The following SMNDC1 variants were observed in gnomAD, a reference collection of about 807,000 sequenced individuals.
SMNDC1 encodes survival of motor neuron-related-splicing factor 30.
In SMNDC1, 5 loss-of-function variants were observed where a neutral mutation model predicts 29.2. That is an observed-to-expected ratio of 0.17 (90% CI 0.09 to 0.36). The LOEUF (loss-of-function observed/expected upper bound fraction) is 0.36, where lower values mean the gene tolerates loss of function less well. SMNDC1 is among the 10% of genes least tolerant of loss of function. The probability of loss-of-function intolerance (pLI) is 1.00; values close to 1 mark genes in which losing one functional copy is unlikely to be tolerated. For missense variants in SMNDC1, 142 were observed against 268.5 expected (o/e 0.53, Z 3.29); for synonymous variants, 80 against 89.9 (o/e 0.89, Z 0.62).
chr10:110,296,403 A>T (rs1857563423), intron 4 of SMNDC1, among the ~76,000 whole-genome samples: 3 of 152,202 alleles, frequency 2.0e-5, no homozygotes, highest in Admixed American at 1.3e-4. Context: ...ATATATATAC[A>T]TTGTTCTAGA....
rs193028030 is a variant in SMNDC1, at chr10:110,300,875, T to G, written c.121-2085A>C. 12 of 197,136 alleles carry G rather than the reference T, an allele frequency of 6.1e-5. No homozygotes were observed. The Admixed American group carries it at 7.2e-4, about 12-fold the overall frequency. 12.2% of individuals were successfully genotyped at this position (197,136 alleles called of 1,614,324 possible). A position where few individuals can be genotyped will look rare whatever the true frequency, so the allele number is the denominator to read the frequency against. On this transcript the variant is annotated intron_variant, in intron 2 of 5. Transcript: ENST00000369603. The stretch of plus-strand genomic sequence containing the variant: ...AGTCAGCTAGCTAGCCTGGATTTTA[T>G]CACACCCACTTTTTTAAGTGAAAAA...
At chr10:110,299,281 C>T (rs1395325311) in intron 2 of SMNDC1, among the ~76,000 whole-genome samples, 1 of 152,158 alleles carries the variant, frequency 6.6e-6, no homozygotes, top group African/African-American at 2.4e-5. Flanking sequence ...ATACATATCT[C>T]GACTAAAATA....
intron 5 of SMNDC1, 119 bp downstream of exon 5, chr10:110,295,109 G>T: frequency 4.7e-6 from 4 of 844,350 alleles, no homozygotes; most frequent in South Asian, 1.8e-5. Context: ...ACAAGGATTC[G>T]GAATACAAAA....
chr10:110,303,634 C>G (rs200176778), intron 1 of SMNDC1, 47 bp from the exon 2 acceptor site: 3 of 1,534,884 alleles, frequency 2.0e-6, no homozygotes, highest in Non-Finnish European at 2.6e-6. Flanking sequence ...AACCAAAAAT[C>G]AAGGCATAAA....
chr10:110,298,918 AT>A (rs1472590646), intron 2 of SMNDC1, 128 bp from the exon 3 acceptor site: 18 of 649,388 alleles, frequency 2.8e-5, no homozygotes, highest in Non-Finnish European at 4.1e-5. Context: ...TCATAACACT[AT>A]TAAGCAAGTA....
Position 110,293,130 on chromosome 10 carries a change from G to C in SMNDC1, c.*1020C>G, listed in dbSNP as rs1026252845. ...TAAAAATTACCTTCTTCCATTAATA[G>C]GAAGACCCTTTTCTATGCATGTATT... On this transcript the variant is annotated 3_prime_UTR_variant, in exon 6 of 6. Coordinates refer to ENST00000369603, the MANE Select transcript of SMNDC1 (RefSeq NM_005871.4). 1.3e-5 allele frequency: 2 copies of C among 152,510 alleles called. No homozygotes were observed. The highest frequency in any genetic ancestry group is 2.9e-5 in the Non-Finnish European group (2 of 68,014). 9.4% of individuals were successfully genotyped at this position (152,510 alleles called of 1,614,324 possible). A position where few individuals can be genotyped will look rare whatever the true frequency, so the allele number is the denominator to read the frequency against.
chr10:110,303,254 C>G (rs1857683616), intron 2 of SMNDC1, among the ~76,000 whole-genome samples: 3 of 152,134 alleles, frequency 2.0e-5, no homozygotes, highest in Non-Finnish European at 2.9e-5. Context: ...TGTAAGCACA[C>G]AAGATTTATA....
intron 2 of SMNDC1, 32 bp downstream of exon 2, chr10:110,303,434 CAG>C (rs1340934385): frequency 3.3e-6 from 5 of 1,534,198 alleles, no homozygotes; most frequent in South Asian, 2.6e-5. Context: ...ATTTGAAAAA[CAG>C]AGAAAAAGTA....
In SMNDC1 at chr10:110,294,148, G is replaced by A. The variant is rs1857535007; in HGVS notation, c.*2C>T. 2.5e-6 allele frequency: 4 copies of A among 1,576,106 alleles called. No homozygotes were observed. The highest frequency in any genetic ancestry group is 3.4e-6 in the Non-Finnish European group (4 of 1,166,288). On this transcript the variant is annotated 3_prime_UTR_variant, in exon 6 of 6. Coordinates refer to ENST00000369603, the MANE Select transcript of SMNDC1 (RefSeq NM_005871.4). ...AGAGATGAAATCCAACAGTTTTTCT[G>A]ATTATTGAGGCATCAAATGCCTGAC... is the stretch of plus-strand genomic sequence containing the variant.
intron 2 of SMNDC1, 92 bp from the exon 3 acceptor site, chr10:110,298,882 T>C: frequency 2.3e-6 from 2 of 878,268 alleles, no homozygotes; most frequent in Non-Finnish European, 3.5e-6. Context: ...GTACGTTAAG[T>C]ACTCTACATA....
chr10:110,291,207 CAA>C lies in SMNDC1; in HGVS notation c.*2941_*2942del, dbSNP rs1857496214. ...CATCAGGATCACCTGCGGTGTTCGT[CAA>C]ACAACATACCTTGGCCTGGATAAGT... On this transcript the variant is annotated 3_prime_UTR_variant, in exon 6 of 6. Transcript: ENST00000369603. 1 of 152,202 alleles carries C rather than the reference CAA, an allele frequency of 6.6e-6. No individual in the cohort carries two copies. The highest frequency in any genetic ancestry group is 2.4e-5 in the African/African-American group (1 of 41,450). The allele number at this position is 152,202 out of a possible 1,614,324, so 9.4% of individuals were successfully genotyped here.
In SMNDC1 at chr10:110,291,141, A is replaced by C. The variant is rs920388343; in HGVS notation, c.*3009T>G. Reference sequence around the variant, plus strand: ...AAAGGTAATTTTTCTTCATTTCCAAAGTCAAACTTTTATAGTTAACAGTTC... The same window carrying C: ...AAAGGTAATTTTTCTTCATTTCCAACGTCAAACTTTTATAGTTAACAGTTC... On this transcript the variant is annotated 3_prime_UTR_variant, in exon 6 of 6. Coordinates refer to ENST00000369603, the MANE Select transcript of SMNDC1 (RefSeq NM_005871.4). 3 of 152,230 alleles carry C rather than the reference A, an allele frequency of 2.0e-5. No individual in the cohort carries two copies. In the South Asian group the frequency reaches 6.2e-4, roughly 31 times the overall value. The allele number at this position is 152,230 out of a possible 1,614,324, so 9.4% of individuals were successfully genotyped here.
At chr10:110,297,396 CACTTT>C (rs1218810169) in intron 4 of SMNDC1, among the ~76,000 whole-genome samples, 166 bp downstream of exon 4, 2 of 152,196 alleles carry the variant, frequency 1.3e-5, no homozygotes, top group Non-Finnish European at 2.9e-5. Flanking sequence ...AAATTATCTT[CACTTT>C]ACTTAGGCAC....
chr10:110,295,008 T>C (rs370654231), intron 5 of SMNDC1, among the ~76,000 whole-genome samples: 1 of 152,242 alleles, frequency 6.6e-6, no homozygotes, highest in East Asian at 1.9e-4. Context: ...ACATAGACCT[T>C]TTGTAATTTC....
Position 110,291,567 on chromosome 10 carries a change from T to C in SMNDC1, c.*2583A>G, listed in dbSNP as rs1374440433. ...ATAGCAGACGCTTCTATAGTGCTTATGCCGGATACTCTTAAGCTATTTACA... is the reference window on the plus strand; with the variant it reads ...ATAGCAGACGCTTCTATAGTGCTTACGCCGGATACTCTTAAGCTATTTACA... On this transcript the variant is annotated 3_prime_UTR_variant, in exon 6 of 6. Transcript: ENST00000369603. 1 of 152,230 alleles carries C rather than the reference T, an allele frequency of 6.6e-6. No individual in the cohort carries two copies. Among genetic ancestry groups the C allele is most frequent in the Non-Finnish European group, 1.5e-5 (1 of 68,044 alleles). 9.4% of individuals were successfully genotyped at this position (152,230 alleles called of 1,614,324 possible).
At chr10:110,297,298 C>G (rs1288185449) in intron 4 of SMNDC1, among the ~76,000 whole-genome samples, 1 of 152,148 alleles carries the variant, frequency 6.6e-6, no homozygotes, top group African/African-American at 2.4e-5. Context: ...GGTATAGCCC[C>G]AGTACCTGGC....
chr10:110,303,708 C>T, intron 1 of SMNDC1, 121 bp from the exon 2 acceptor site: 1 of 834,926 alleles, frequency 1.2e-6, no homozygotes, highest in Admixed American at 3.6e-5. Flanking sequence ...AACACTGCAG[C>T]TTAATTTACC....
At chr10:110,294,320 T>C in intron 5 of SMNDC1, 33 bp from the exon 6 acceptor site, 1 of 1,536,030 alleles carries the variant, frequency 6.5e-7, no homozygotes. Context: ...CATTCCTGAT[T>C]AGTGTTGGAA....
rs377676374 is a variant in SMNDC1, at chr10:110,304,737, G to A, written c.-1+11C>T. ...GCCAGGCCTTACTCTCTCCCTCAGG[G>A]GGGTTGTTACCTTGTGTGGGGCTGG... On this transcript the variant is annotated intron_variant, in intron 1 of 5. Transcript: ENST00000369603. 1.3e-5 allele frequency: 2 copies of A among 152,532 alleles called. No individual in the cohort carries two copies. The highest frequency in any genetic ancestry group is 6.5e-5 in the Admixed American group (1 of 15,296). 9.4% of individuals were successfully genotyped at this position (152,532 alleles called of 1,614,324 possible). A position where few individuals can be genotyped will look rare whatever the true frequency, so the allele number is the denominator to read the frequency against.
Sources: allele counts gnomAD v4.1 joint callset (sites outside exome capture counted in the v4.1 genomes callset), GRCh38; gene constraint gnomAD v4.1.1; transcripts MANE v1.5; gene names NCBI Gene and HGNC (gene_info 2026-07-23, HGNC 2026-07-21).